Variants in MYO5C observed in about 807,000 individuals in gnomAD.
The protein encoded by MYO5C is myosin VC, also known as unconventional myosin-Vc.
In MYO5C, 194 loss-of-function variants were observed where a neutral mutation model predicts 235.7. The ratio of observed to expected loss-of-function variants is 0.82; its 90% CI spans 0.73 to 0.93. The LOEUF is 0.93. Ranked by LOEUF, MYO5C falls within the 40% of genes least tolerant of loss-of-function variation. The pLI, the probability that MYO5C is intolerant of heterozygous loss-of-function variation, is 0.00. For missense variants in MYO5C, 2,038 were observed against 2,127.2 expected (o/e 0.96, Z 0.82); for synonymous variants, 707 against 754.8 (o/e 0.94, Z 1.04).
Position 52,229,289 on chromosome 15 carries a change from C to A in MYO5C, c.3051G>T (p.Leu1017=). 6.2e-7 allele frequency: 1 copy of A among 1,613,814 alleles called. No individual in the cohort carries two copies. The highest frequency in any genetic ancestry group is 1.1e-5 in the South Asian group (1 of 91,068). The change falls in exon 25 of 41, where the codon CTG becomes CTT. Residue 1017 remains leucine, a synonymous_variant. Transcript: ENST00000261839. The part of the protein sequence containing the change: ...QRMLLEKSFE[L]KTQDYEKQIQ... ...TCTGCTTCTCATAGTCTTGTGTTTT[C>A]AGTTCAAAACTTTTTTCAAGAAGCC...
At chr15:52,254,927 T>A (rs1476189222) in intron 11 of MYO5C, among the ~76,000 whole-genome samples, 1 of 151,420 alleles carries the variant, frequency 6.6e-6, no homozygotes, top group African/African-American at 2.4e-5. Flanking sequence ...ATGTTAAACT[T>A]CCAGGAGAGC....
chr15:52,221,218 T>A lies in MYO5C; in HGVS notation c.3665A>T (p.Glu1222Val). 6.2e-7 allele frequency: 1 copy of A among 1,613,142 alleles called. No homozygotes were observed. Among genetic ancestry groups the A allele is most frequent in the East Asian group, 2.2e-5 (1 of 44,866 alleles). Residue 1222 changes from glutamate to valine, a missense_variant, in exon 30 of 41, where the codon GAG becomes GTG. Transcript: ENST00000261839. ...GATTTCAAGATCTTGCTTCTGTTTC[T>A]CCAATTCTGAAATTTGCTGTTTAAA... Reference protein sequence around the residue: ...PDFKQQISELEKQKQDLEIRL... With the variant: ...PDFKQQISELVKQKQDLEIRL...
chr15:52,212,221 C>T (rs975091106), intron 34 of MYO5C, among the ~76,000 whole-genome samples: 1 of 152,122 alleles, frequency 6.6e-6, no homozygotes, highest in Non-Finnish European at 1.5e-5. Flanking sequence ...CTACTCCAAG[C>T]GCTTTGATGA....
rs1351997247 is a variant in MYO5C, at chr15:52,233,006, G to A, written c.2963-321C>T. Among the ~76,000 whole-genome samples the A allele has an allele frequency of 7.8e-5, 4 of 51,606 alleles. 2 individuals are homozygous for A. The highest frequency in any genetic ancestry group is 5.1e-4 in the Non-Finnish European group (4 of 7,870). 33.9% of individuals were successfully genotyped at this position (51,606 alleles called of 152,430 possible). ...TATTAAAAATAAATAGAGGCCGGGC[G>A]CGGTGGCTCACGCCTGTAATCCCAG... is the stretch of plus-strand genomic sequence containing the variant. On this transcript the variant is annotated intron_variant, in intron 23 of 40. Transcript: ENST00000261839.
intron 10 of MYO5C, among the ~76,000 whole-genome samples, chr15:52,259,492 T>C (rs2036648348): frequency 6.6e-6 from 1 of 150,982 alleles, no homozygotes; most frequent in Non-Finnish European, 1.5e-5. Context: ...TAAAAATACA[T>C]CTTAAAAACA....
chr15:52,201,656 C>T (rs2035189821), intron 38 of MYO5C, among the ~76,000 whole-genome samples: 1 of 152,170 alleles, frequency 6.6e-6, no homozygotes, highest in East Asian at 1.9e-4. Context: ...CTATTCTTCT[C>T]TTATTGAGTT....
At position 52,197,817 on chromosome 15, in the gene MYO5C, G is replaced by A. The variant is rs1478833435; in HGVS notation, c.4821-1334C>T. Among the ~76,000 whole-genome samples, 4 of 151,708 alleles carry A rather than the reference G, an allele frequency of 2.6e-5. No homozygotes were observed. In the East Asian group the frequency reaches 7.8e-4, roughly 30 times the overall value. On this transcript the variant is annotated intron_variant, in intron 38 of 40. Coordinates refer to ENST00000261839, the MANE Select transcript of MYO5C (RefSeq NM_018728.4). ...CACCCGGCTAATTTTTGTATTTTTA[G>A]TAGAGACAGGGTTTCACCATGTTGG...
chr15:52,216,301 A>T (rs866018237), intron 32 of MYO5C, among the ~76,000 whole-genome samples: 6 of 152,096 alleles, frequency 3.9e-5, no homozygotes, highest in Non-Finnish European at 1.5e-5. Context: ...TGCAGCCTCA[A>T]TCTCCTGGGC....
At chr15:52,201,087 T>G (rs998049899) in intron 38 of MYO5C, among the ~76,000 whole-genome samples, 4 of 152,132 alleles carry the variant, frequency 2.6e-5, no homozygotes, top group Non-Finnish European at 4.4e-5. Context: ...ACTGAAGTTC[T>G]GGAAAGAGAA....
chr15:52,218,197 G>A (rs1305227511), intron 32 of MYO5C, among the ~76,000 whole-genome samples: 4 of 152,214 alleles, frequency 2.6e-5, no homozygotes, highest in Non-Finnish European at 4.4e-5. Context: ...GCACTCACAC[G>A]TAGGCCTTGC....
rs374704932 is a variant in MYO5C, at chr15:52,220,133, G to A, written c.3722-311C>T. Among the ~76,000 whole-genome samples the A allele has an allele frequency of 1.2e-4, 18 of 152,306 alleles. No individual in the cohort carries two copies. In the East Asian group the frequency reaches 2.9e-3, roughly 24 times the overall value. The stretch of plus-strand genomic sequence containing the variant: ...GGCCTATAGGCTGCGGCTTGAACAA[G>A]CTTGTCTTAAACTGTATCCAGACAG... On this transcript the variant is annotated intron_variant, in intron 30 of 40. Coordinates refer to ENST00000261839, the MANE Select transcript of MYO5C (RefSeq NM_018728.4).
At chr15:52,231,440 CA>C (rs2035948015) in intron 24 of MYO5C, among the ~76,000 whole-genome samples, 1 of 152,198 alleles carries the variant, frequency 6.6e-6, no homozygotes, top group Non-Finnish European at 1.5e-5. Flanking sequence ...TGATCACTCC[CA>C]AGTGGTCCCT....
chr15:52,266,739 A>C (rs751463317), intron 8 of MYO5C, among the ~76,000 whole-genome samples: 2 of 152,216 alleles, frequency 1.3e-5, no homozygotes, highest in Non-Finnish European at 1.5e-5. Context: ...AAAGACCCAC[A>C]GCGTTCATGA....
intron 38 of MYO5C, among the ~76,000 whole-genome samples, chr15:52,200,631 A>G (rs1273775691): frequency 6.6e-6 from 1 of 152,124 alleles, no homozygotes; most frequent in Non-Finnish European, 1.5e-5. Context: ...AAAATATCCA[A>G]TATACAATTC....
At chr15:52,251,655 T>TTATA (rs2036476010) in intron 12 of MYO5C, 140 bp from the exon 13 acceptor site, 1 of 253,406 alleles carries the variant, frequency 3.9e-6, no homozygotes, top group Non-Finnish European at 7.1e-6. Flanking sequence ...ATTTATTTAT[T>TTATA]TATTTATTTA....
rs2035298902 is a variant in MYO5C, at chr15:52,205,803, A to G, written c.4537+13T>C. The G allele has an allele frequency of 2.0e-6, 3 of 1,501,700 alleles. No individual in the cohort carries two copies. Among genetic ancestry groups the G allele is most frequent in the Non-Finnish European group, 2.7e-6 (3 of 1,108,086 alleles). The allele number at this position is 1,501,700 out of a possible 1,614,324, so 93.0% of individuals were successfully genotyped here. ...TACTATAAATATTTTTTGGTCATCC[A>G]TTCTCTTCTTACCTATTATCGGTTG... On this transcript the variant is annotated intron_variant, in intron 37 of 40. Transcript: ENST00000261839.
chr15:52,239,839 G>A lies in MYO5C; in HGVS notation c.2597C>T (p.Ala866Val), dbSNP rs2036173929. 2 of 1,613,604 alleles carry A rather than the reference G, an allele frequency of 1.2e-6. No individual in the cohort carries two copies. The highest frequency in any genetic ancestry group is 1.7e-6 in the Non-Finnish European group (2 of 1,179,816). ...EHKAVILQKY[A>V]RAWLARRRFQ... ...TCTGCGTCTGGCCAGCCACGCCCGT[G>A]CGTATTTCTGTAGGATCACAGCCTT... Residue 866 changes from alanine to valine, a missense_variant, in exon 21 of 41, where the codon GCA (alanine) becomes GTA (valine). Physicochemically the swap from Ala to Val is moderately conservative, Grantham distance 64. Coordinates refer to ENST00000261839, the MANE Select transcript of MYO5C (RefSeq NM_018728.4).
At chr15:52,219,690 G>A in intron 31 of MYO5C, 69 bp downstream of exon 31, 1 of 1,233,318 alleles carries the variant, frequency 8.1e-7, no homozygotes, top group Non-Finnish European at 1.2e-6. Flanking sequence ...ACACATCTTG[G>A]TATATTCTAC....
chr15:52,263,104 C>T (rs1740197319), intron 9 of MYO5C, among the ~76,000 whole-genome samples: 2 of 152,178 alleles, frequency 1.3e-5, no homozygotes, highest in Admixed American at 1.3e-4. Flanking sequence ...TCTCAGACTT[C>T]CAGCCTCTAG....
Sources: gnomAD v4.1 joint callset for allele counts (sites outside exome capture counted in the v4.1 genomes callset) on GRCh38, gnomAD v4.1.1 for gene constraint, MANE v1.5 for transcripts, NCBI Gene and HGNC (gene_info 2026-07-23, HGNC 2026-07-21) for gene names.